STXBP6: variants seen among roughly 807,000 people sequenced by gnomAD.
STXBP6 encodes the protein syntaxin-binding protein 6.
STXBP6 carries 21 observed loss-of-function variants against 26.9 expected under a neutral mutation model. The observed-to-expected ratio is 0.78, with a 90% CI of 0.55 to 1.12. STXBP6 has a LOEUF of 1.12. STXBP6 is among the 50% of genes most tolerant of loss of function. The pLI is 0.00. For synonymous variants in STXBP6, 97 were observed against 92.6 expected, an observed-to-expected ratio of 1.05 and a Z score of -0.27; for missense variants, 232 against 257.9, an observed-to-expected ratio of 0.90 and a Z score of 0.69.
chr14:24,907,031 G>A (rs2071407579), intron 2 of STXBP6, among the ~76,000 whole-genome samples: 1 of 152,026 alleles, frequency 6.6e-6, no homozygotes, highest in South Asian at 2.1e-4. Flanking sequence ...GGGAAAAGGG[G>A]AATAAAGAAG....
intron 2 of STXBP6, among the ~76,000 whole-genome samples, chr14:24,911,374 G>C (rs1476454398): frequency 6.8e-6 from 1 of 147,108 alleles, no homozygotes; most frequent in Non-Finnish European, 1.5e-5. Flanking sequence ...GGGAAAGAAA[G>C]AAGAGAGAGA....
intron 1 of STXBP6, among the ~76,000 whole-genome samples, chr14:25,013,075 G>A (rs1173234297): frequency 6.6e-6 from 1 of 152,192 alleles, no homozygotes; most frequent in Non-Finnish European, 1.5e-5. Context: ...CTACATGACA[G>A]AGAAAGACCC....
intron 2 of STXBP6, among the ~76,000 whole-genome samples, chr14:24,954,970 G>A (rs1192103635): frequency 1.3e-5 from 2 of 152,172 alleles, no homozygotes; most frequent in African/African-American, 2.4e-5. Flanking sequence ...CTCTGTCTTC[G>A]CATCTGAAGA....
At chr14:24,814,535 C>T (rs946135330) in intron 5 of STXBP6, among the ~76,000 whole-genome samples, 3 of 152,232 alleles carry the variant, frequency 2.0e-5, no homozygotes, top group Non-Finnish European at 4.4e-5. Context: ...TGCTGCTGTT[C>T]AAACCAGACC....
At chr14:25,007,039 A>C (rs779799661) in intron 1 of STXBP6, among the ~76,000 whole-genome samples, 1 of 152,260 alleles carries the variant, frequency 6.6e-6, no homozygotes, top group Admixed American at 6.5e-5. Flanking sequence ...CGAAATCAGC[A>C]TATGACATAG....
intron 2 of STXBP6, among the ~76,000 whole-genome samples, chr14:24,911,536 C>T (rs2071574975): frequency 6.6e-6 from 1 of 152,086 alleles, no homozygotes; most frequent in African/African-American, 2.4e-5. Flanking sequence ...ACGATGTCTC[C>T]ACTATAGATA....
intron 1 of STXBP6, among the ~76,000 whole-genome samples, chr14:25,047,715 G>A (rs972116505): frequency 7.2e-5 from 11 of 152,202 alleles, no homozygotes; most frequent in Non-Finnish European, 1.3e-4. Flanking sequence ...GGTGGCTCAG[G>A]AGCCTGTGTG....
At position 24,874,806 on chromosome 14, in the gene STXBP6, T is replaced by G. The variant is rs1236939225; in HGVS notation, c.155-17649A>C. 3.3e-5 allele frequency among the ~76,000 whole-genome samples: 5 copies of G among 152,270 alleles called. No homozygotes were observed. The East Asian group carries it at 9.7e-4, about 29-fold the overall frequency. ...GGGTCCCAGCACTACACGGTGGCTC[T>G]TTCAAAGAATTACACATCGACCGGC... is the stretch of plus-strand genomic sequence containing the variant. On this transcript the variant is annotated intron_variant, in intron 2 of 5. Coordinates refer to ENST00000323944, the MANE Select transcript of STXBP6 (RefSeq NM_001394410.1).
rs2067769193 is a variant in STXBP6, at chr14:24,809,754, A to G, written c.*2955T>C. Reference sequence around the variant, plus strand: ...CTTATCTCTGAATTAAACAAAAATTATATTTGACATCTCAGAGAACTTCTG... The same window carrying G: ...CTTATCTCTGAATTAAACAAAAATTGTATTTGACATCTCAGAGAACTTCTG... On this transcript the variant is annotated 3_prime_UTR_variant, in exon 6 of 6. Coordinates refer to ENST00000323944, the MANE Select transcript of STXBP6 (RefSeq NM_001394410.1). 1 of 152,216 alleles carries G rather than the reference A, an allele frequency of 6.6e-6. No homozygotes were observed. Among genetic ancestry groups the G allele is most frequent in the South Asian group, 2.1e-4 (1 of 4,830 alleles). The allele number at this position is 152,216 out of a possible 1,614,324, so 9.4% of individuals were successfully genotyped here. A position where few individuals can be genotyped will look rare whatever the true frequency, so the allele number is the denominator to read the frequency against.
Position 24,811,268 on chromosome 14 carries a change from T to G in STXBP6, c.*1441A>C, listed in dbSNP as rs1035480107. ...TAAATCAGTATTAACAATCCAAAAG[T>G]CATCTTATGCTCCTATGTAAGAGGC... On this transcript the variant is annotated 3_prime_UTR_variant, in exon 6 of 6. Transcript: ENST00000323944. 1 of 152,126 alleles carries G rather than the reference T, an allele frequency of 6.6e-6. No individual in the cohort carries two copies. The highest frequency in any genetic ancestry group is 2.4e-5 in the African/African-American group (1 of 41,424). The allele number at this position is 152,126 out of a possible 1,614,324, so 9.4% of individuals were successfully genotyped here. A position where few individuals can be genotyped will look rare whatever the true frequency, so the allele number is the denominator to read the frequency against.
rs566330611 is a variant in STXBP6 at position 24,809,785 on chromosome 14, T to C, written c.*2924A>G. On this transcript the variant is annotated 3_prime_UTR_variant, in exon 6 of 6. Transcript: ENST00000323944. ...GACATCTCAGAGAACTTCTGAAGAATAACTGTATGACAGACATCAGTAGTG... is the reference window on the plus strand; with the variant it reads ...GACATCTCAGAGAACTTCTGAAGAACAACTGTATGACAGACATCAGTAGTG... The C allele has an allele frequency of 6.6e-6, 1 of 152,218 alleles. No homozygotes were observed. The highest frequency in any genetic ancestry group is 2.4e-5 in the African/African-American group (1 of 41,458). The allele number at this position is 152,218 out of a possible 1,614,324, so 9.4% of individuals were successfully genotyped here.
chr14:24,992,784 A>G (rs1725173231), intron 1 of STXBP6, among the ~76,000 whole-genome samples: 2 of 152,188 alleles, frequency 1.3e-5, no homozygotes, highest in Admixed American at 1.3e-4. Context: ...CCAGCCCTAT[A>G]TGATACTAGA....
intron 2 of STXBP6, among the ~76,000 whole-genome samples, chr14:24,896,708 TAGG>T (rs1448771885): frequency 1.3e-5 from 2 of 152,162 alleles, no homozygotes; most frequent in Non-Finnish European, 2.9e-5. Context: ...CTGGTAGATC[TAGG>T]AGAACCTCTC....
At chr14:24,959,857 C>T (rs1866271478) in intron 2 of STXBP6, among the ~76,000 whole-genome samples, 1 of 152,130 alleles carries the variant, frequency 6.6e-6, no homozygotes, top group Non-Finnish European at 1.5e-5. Flanking sequence ...GTAGGTTTCC[C>T]TTTTTTAAAC....
chr14:24,914,899 T>C (rs58544089), intron 2 of STXBP6, among the ~76,000 whole-genome samples: 6,128 of 152,298 alleles, frequency 0.04, 360 homozygotes, highest in African/African-American at 0.13. Context: ...GAAAATCATC[T>C]TCTTGACTGT....
chr14:24,896,069 C>T (rs1226916296), intron 2 of STXBP6, among the ~76,000 whole-genome samples: 1 of 152,120 alleles, frequency 6.6e-6, no homozygotes, highest in African/African-American at 2.4e-5. Flanking sequence ...AGCTCAGAAA[C>T]CTAAATACAG....
intron 1 of STXBP6, among the ~76,000 whole-genome samples, chr14:24,991,877 C>T (rs1488249458): frequency 6.6e-6 from 1 of 152,200 alleles, no homozygotes; most frequent in East Asian, 1.9e-4. Context: ...GCCTCACAGC[C>T]CCTACATCCA....
At chr14:25,036,211 C>T (rs933347419) in intron 1 of STXBP6, among the ~76,000 whole-genome samples, 6 of 87,816 alleles carry the variant, frequency 6.8e-5, no homozygotes, top group Non-Finnish European at 1.2e-4. Flanking sequence ...AGCAAGACTC[C>T]ATCAAAAAAA....
At position 24,900,447 on chromosome 14, in the gene STXBP6, A is replaced by C. The variant is rs140191522; in HGVS notation, c.155-43290T>G. Among the ~76,000 whole-genome samples the C allele has an allele frequency of 1.5e-3, 230 of 152,350 alleles. 3 individuals carry two copies. Among genetic ancestry groups the C allele is most frequent in the Middle Eastern group, 0.014 (4 of 294 alleles). ...AAACCACTTGCCAACAGCAAGAAAG[A>C]AGCTCTGCGTATGCTTATTTTCTAA... On this transcript the variant is annotated intron_variant, in intron 2 of 5. Transcript: ENST00000323944.
Sources: allele counts gnomAD v4.1 joint callset (sites outside exome capture counted in the v4.1 genomes callset), GRCh38; gene constraint gnomAD v4.1.1; transcripts MANE v1.5; gene names NCBI Gene and HGNC (gene_info 2026-07-23, HGNC 2026-07-21).